COPG1: variants seen among roughly 807,000 people sequenced by gnomAD.
COPG1 encodes the protein coatomer subunit gamma-1.
A neutral mutation model predicts 102.8 loss-of-function variants in COPG1; 29 were observed. The observed-to-expected ratio is 0.28, with a 90% CI of 0.21 to 0.38. COPG1 has a LOEUF of 0.38. Among genes scored for constraint, COPG1 ranks in the 10% least tolerant of loss-of-function variants. The pLI, the probability that COPG1 is intolerant of heterozygous loss-of-function variation, is 1.00. For missense variants in COPG1, 875 were observed against 1,132.7 expected (o/e 0.77, Z 3.27); for synonymous variants, 406 against 421.6 (o/e 0.96, Z 0.45).
chr3:129,274,730 G>A (rs1352905992), intron 21 of COPG1, 108 bp from the exon 22 acceptor site: 20 of 1,318,350 alleles, frequency 1.5e-5, no homozygotes, highest in South Asian at 5.3e-5. Context: ...CCTCAGTGCC[G>A]AGCAAGCACC....
chr3:129,272,518 G>C (rs1940203185), intron 20 of COPG1, 103 bp downstream of exon 20: 3 of 948,080 alleles, frequency 3.2e-6, no homozygotes, highest in Admixed American at 5.6e-5. Flanking sequence ...TAGAGCTTCA[G>C]CTCCTTGATT....
intron 20 of COPG1, 64 bp downstream of exon 20, chr3:129,272,479 C>A (rs1480719239): frequency 7.2e-7 from 1 of 1,385,148 alleles, no homozygotes. Flanking sequence ...AGGAGGTGGG[C>A]GGCTGGGCAC....
At chr3:129,268,897 C>CTG (rs1940124203) in intron 17 of COPG1, 35 bp from the exon 18 acceptor site, 10 of 1,584,222 alleles carry the variant, frequency 6.3e-6, no homozygotes, top group Non-Finnish European at 8.7e-6. Context: ...GTGACTCCAG[C>CTG]TGTTGGTCAT....
chr3:129,262,629 G>A (rs1939948349), intron 12 of COPG1, among the ~76,000 whole-genome samples: 1 of 151,446 alleles, frequency 6.6e-6, no homozygotes, highest in Admixed American at 6.6e-5. Flanking sequence ...AGGCTGAGGT[G>A]TGAGGATCAC....
intron 10 of COPG1, 78 bp downstream of exon 10, chr3:129,257,938 AAG>A: frequency 6.5e-7 from 1 of 1,549,928 alleles, no homozygotes; most frequent in Non-Finnish European, 8.7e-7. Flanking sequence ...GGCTAGGAGA[AAG>A]AAAGAAAATG....
intron 7 of COPG1, among the ~76,000 whole-genome samples, chr3:129,255,423 C>T (rs1019242631): frequency 6.6e-5 from 10 of 151,524 alleles, no homozygotes; most frequent in African/African-American, 1.7e-4. Flanking sequence ...ATGATCTACC[C>T]GCCTCGGCCT....
At chr3:129,276,970 T>C (rs114964226) in intron 23 of COPG1, among the ~76,000 whole-genome samples, 16,249 of 151,776 alleles carry the variant, frequency 0.11, 2,455 homozygotes, top group African/African-American at 0.34. Context: ...ATTACAGGCG[T>C]CCACCACCAT....
Position 129,265,540 on chromosome 3 carries a change from T to C in COPG1, c.1225-9T>C. 1 of 1,613,818 alleles carries C rather than the reference T, an allele frequency of 6.2e-7. No homozygotes were observed. The highest frequency in any genetic ancestry group is 8.5e-7 in the Non-Finnish European group (1 of 1,179,692). On this transcript the variant is annotated splice_polypyrimidine_tract_variant and intron_variant, in intron 13 of 23. Coordinates refer to ENST00000314797, the MANE Select transcript of COPG1 (RefSeq NM_016128.4). ...CAGGCTCCTTGCTTAGCTCAGCTTC[T>C]CTCTGCAGGGTGGCTTTGAGTATAA...
intron 5 of COPG1, 28 bp downstream of exon 5, chr3:129,252,983 T>C (rs1469467174): frequency 6.3e-7 from 1 of 1,593,152 alleles, no homozygotes; most frequent in East Asian, 2.2e-5. Flanking sequence ...GGGTGGCTCT[T>C]CTGATGGGTT....
intron 16 of COPG1, 46 bp from the exon 17 acceptor site, chr3:129,268,449 C>T: frequency 6.2e-7 from 1 of 1,605,640 alleles, no homozygotes; most frequent in Non-Finnish European, 8.5e-7. Context: ...CCCTGGTGCA[C>T]ATTTTGCTCT....
chr3:129,252,419 G>C, intron 3 of COPG1, 58 bp downstream of exon 3: 1 of 1,258,390 alleles, frequency 7.9e-7, no homozygotes, highest in Non-Finnish European at 1.2e-6. Flanking sequence ...GAGGGGAGTG[G>C]ACAAATCATG....
At chr3:129,259,432 G>T (rs1939877782) in intron 10 of COPG1, among the ~76,000 whole-genome samples, 1 of 144,998 alleles carries the variant, frequency 6.9e-6, no homozygotes, top group South Asian at 2.1e-4. Context: ...CTGCCCTCCA[G>T]CCTGGGCGAC....
intron 15 of COPG1, 26 bp from the exon 16 acceptor site, chr3:129,267,911 A>AG (rs2107677855): frequency 6.3e-7 from 1 of 1,596,478 alleles, no homozygotes; most frequent in Non-Finnish European, 8.6e-7. Context: ...GGTCCCAGTC[A>AG]GGACCACCTT....
chr3:129,273,735 C>T (rs961213989), intron 21 of COPG1, among the ~76,000 whole-genome samples: 5 of 152,092 alleles, frequency 3.3e-5, no homozygotes, highest in African/African-American at 1.2e-4. Context: ...AGGATAGATT[C>T]CTAGAAGGAG....
At chr3:129,273,931 G>A (rs1021355164) in intron 21 of COPG1, 1 of 435,252 alleles carries the variant, frequency 2.3e-6, no homozygotes, top group African/African-American at 2.0e-5. Context: ...GTCTGACTTT[G>A]GGGCAGTGGC....
intron 21 of COPG1, chr3:129,274,115 G>A (rs540244170): frequency 1.5e-5 from 7 of 456,094 alleles, no homozygotes; most frequent in African/African-American, 1.2e-4. Flanking sequence ...TGACCCCGAG[G>A]CAGGAGCTGC....
chr3:129,272,030 A>G (rs1940191299), intron 19 of COPG1, 121 bp downstream of exon 19: 4 of 1,206,354 alleles, frequency 3.3e-6, no homozygotes, highest in Non-Finnish European at 4.6e-6. Context: ...ACTTGATGAC[A>G]GAATCTGTCC....
Position 129,268,614 on chromosome 3 carries a change from A to G in COPG1, c.1768A>G (p.Arg590Gly). 6.2e-7 allele frequency: 1 copy of G among 1,614,120 alleles called. No individual in the cohort carries two copies. ...PLATAPMAEQRTESTPITAVK... is the reference protein window; with the variant it reads ...PLATAPMAEQGTESTPITAVK... Reference sequence around the variant, plus strand: ...GGCCACGGCGCCCATGGCAGAGCAGAGAACAGGTAACACTTATACTCCTCC... The same window carrying G: ...GGCCACGGCGCCCATGGCAGAGCAGGGAACAGGTAACACTTATACTCCTCC... Residue 590 changes from arginine to glycine, a missense_variant, in exon 17 of 24, where the codon AGA becomes GGA. Transcript: ENST00000314797.
rs750279239 is a variant in COPG1, at chr3:129,254,686, T to C, written c.342T>C (p.Thr114=). 1.3e-5 allele frequency: 21 copies of C among 1,614,034 alleles called. No homozygotes were observed. Among genetic ancestry groups the C allele is most frequent in the Non-Finnish European group, 1.7e-5 (20 of 1,179,954 alleles). The part of the protein sequence containing the change: ...IVTSSLTKDM[T]GKEDNYRGPA... ...CCTGCAGCCTAACAAAAGACATGAC[T>C]GGGAAAGAAGACAACTACCGGGGCC... The change falls in exon 6 of 24, where the codon ACT becomes ACC. Residue 114 remains threonine (T), a synonymous_variant. Coordinates refer to ENST00000314797, the MANE Select transcript of COPG1 (RefSeq NM_016128.4).
Sources: allele counts gnomAD v4.1 joint callset (sites outside exome capture counted in the v4.1 genomes callset), GRCh38; gene constraint gnomAD v4.1.1; transcripts MANE v1.5; gene names NCBI Gene and HGNC (gene_info 2026-07-23, HGNC 2026-07-21).